The following ZSWIM5 variants were observed in gnomAD, a reference collection of about 807,000 sequenced individuals.
The protein encoded by ZSWIM5 is zinc finger SWIM domain-containing protein 5.
Under a neutral mutation model 119.6 loss-of-function variants are expected in ZSWIM5, and 55 were observed. The ratio of observed to expected loss-of-function variants is 0.46; its 90% CI spans 0.37 to 0.58. The LOEUF (loss-of-function observed/expected upper bound fraction) is 0.58. ZSWIM5 is among the 20% of genes least tolerant of loss of function. The probability of loss-of-function intolerance (pLI) is 0.00; values close to 1 mark genes in which losing one functional copy is unlikely to be tolerated. For missense variants in ZSWIM5, 1,193 were observed against 1,512.8 expected, an observed-to-expected ratio of 0.79 and a Z score of 3.51; for synonymous variants, 537 against 606.9, an observed-to-expected ratio of 0.88 and a Z score of 1.69.
At chr1:45,202,113 C>T (rs1646162079) in intron 1 of ZSWIM5, among the ~76,000 whole-genome samples, 1 of 151,998 alleles carries the variant, frequency 6.6e-6, no homozygotes, top group Admixed American at 6.6e-5. Context: ...AATGCAGCTG[C>T]CTTCTGTGAT....
intron 11 of ZSWIM5, among the ~76,000 whole-genome samples, chr1:45,029,167 A>G (rs1190082636): frequency 6.6e-6 from 1 of 152,234 alleles, no homozygotes; most frequent in Non-Finnish European, 1.5e-5. Context: ...GACCTCATTC[A>G]AGTTCCACCA....
chr1:45,054,249 C>T (rs7528468), intron 4 of ZSWIM5, among the ~76,000 whole-genome samples: 24,538 of 151,784 alleles, frequency 0.16, 2,651 homozygotes, highest in African/African-American at 0.3. Flanking sequence ...TGTATTCCAG[C>T]CTAGGGGACA....
chr1:45,055,001 A>AT (rs984777737), intron 4 of ZSWIM5, among the ~76,000 whole-genome samples: 2 of 151,058 alleles, frequency 1.3e-5, no homozygotes, highest in Non-Finnish European at 3.0e-5. Flanking sequence ...AATTTTTTGT[A>AT]TTTTTTTTAA....
intron 4 of ZSWIM5, among the ~76,000 whole-genome samples, chr1:45,054,641 T>C (rs1454083439): frequency 1.3e-5 from 2 of 149,462 alleles, no homozygotes; most frequent in Non-Finnish European, 3.0e-5. Context: ...GTAGCTACTA[T>C]GGAAATTAAA....
intron 1 of ZSWIM5, among the ~76,000 whole-genome samples, chr1:45,134,423 G>A (rs1645677326): frequency 6.6e-6 from 1 of 152,128 alleles, no homozygotes; most frequent in Non-Finnish European, 1.5e-5. Context: ...GGAAAAAGAT[G>A]AGTCCTTTAA....
At chr1:45,112,795 G>A (rs1645526231) in intron 1 of ZSWIM5, among the ~76,000 whole-genome samples, 1 of 152,178 alleles carries the variant, frequency 6.6e-6, no homozygotes, top group African/African-American at 2.4e-5. Context: ...ATCCAATGTG[G>A]ATCTCATTCC....
chr1:45,156,690 G>A (rs886960066), intron 1 of ZSWIM5, among the ~76,000 whole-genome samples: 2 of 148,938 alleles, frequency 1.3e-5, no homozygotes, highest in East Asian at 2.0e-4. Context: ...GAGTAGGAAC[G>A]TACTGCATAT....
At chr1:45,094,906 C>T (rs1008438223) in intron 1 of ZSWIM5, among the ~76,000 whole-genome samples, 1 of 151,844 alleles carries the variant, frequency 6.6e-6, no homozygotes, top group African/African-American at 2.4e-5. Flanking sequence ...TGTTGAGTCC[C>T]CATGTATGCA....
chr1:45,060,308 G>C (rs1006963913), intron 2 of ZSWIM5, 61 bp from the exon 3 acceptor site: 12 of 1,566,034 alleles, frequency 7.7e-6, no homozygotes, highest in Non-Finnish European at 8.7e-6. Flanking sequence ...CATTCAGCTG[G>C]AGGGGCACTT....
intron 1 of ZSWIM5, among the ~76,000 whole-genome samples, chr1:45,165,230 G>T (rs1645893609): frequency 6.6e-6 from 1 of 152,072 alleles, no homozygotes; most frequent in African/African-American, 2.4e-5. Flanking sequence ...GGTACATAAT[G>T]AAATGAAGGC....
intron 1 of ZSWIM5, among the ~76,000 whole-genome samples, chr1:45,151,746 C>T (rs1383043655): frequency 6.6e-6 from 1 of 152,110 alleles, no homozygotes; most frequent in East Asian, 1.9e-4. Context: ...GAAAAAGGAA[C>T]ATGTTTTCTG....
At chr1:45,083,856 C>T (rs879302783) in intron 2 of ZSWIM5, among the ~76,000 whole-genome samples, 6 of 152,204 alleles carry the variant, frequency 3.9e-5, no homozygotes, top group African/African-American at 9.6e-5. Context: ...ACATGTCTTA[C>T]ATGGCTGGTG....
In ZSWIM5 at chr1:45,018,466, C is replaced by T. The variant is rs751696789; in HGVS notation, c.3546G>A (p.Glu1182=). 2.5e-6 allele frequency: 4 copies of T among 1,613,712 alleles called. No individual in the cohort carries two copies. Among genetic ancestry groups the T allele is most frequent in the Non-Finnish European group, 3.4e-6 (4 of 1,179,784 alleles). The change falls in exon 14 of 14, where the codon GAG becomes GAA. Residue 1182 remains glutamate, a synonymous_variant. Transcript: ENST00000359600. This position sits in a 1 kb window ranked among gnomAD's most constrained non-coding sequence, Gnocchi z 6.7. ...GCTATCTGCTCTCTCAGCCAAAGCGCTCTCGCACCAGCAGCATCAACTTTT... is the reference window on the plus strand; with the variant it reads ...GCTATCTGCTCTCTCAGCCAAAGCGTTCTCGCACCAGCAGCATCAACTTTT... ...GKKKLMLLVR[E]RFG is the part of the protein sequence containing the mutation.
intron 1 of ZSWIM5, among the ~76,000 whole-genome samples, chr1:45,115,635 C>T (rs1262796652): frequency 3.4e-5 from 5 of 146,878 alleles, no homozygotes; most frequent in African/African-American, 1.0e-4. Flanking sequence ...CGGGAAGAGG[C>T]GCTCCTCACT....
At chr1:45,064,351 A>C (rs1393435298) in intron 2 of ZSWIM5, among the ~76,000 whole-genome samples, 1 of 152,144 alleles carries the variant, frequency 6.6e-6, no homozygotes, top group Non-Finnish European at 1.5e-5. Flanking sequence ...ACTAAATTGA[A>C]ATTTTTTAAA....
chr1:45,176,291 G>A lies in ZSWIM5; in HGVS notation c.595+29465C>T, dbSNP rs186666302. 3.3e-5 allele frequency among the ~76,000 whole-genome samples: 5 copies of A among 151,790 alleles called. No homozygotes were observed. In the East Asian group the frequency reaches 9.7e-4, roughly 29 times the overall value. On this transcript the variant is annotated intron_variant, in intron 1 of 13. Coordinates refer to ENST00000359600, the MANE Select transcript of ZSWIM5 (RefSeq NM_020883.2). ...TATCTTATTTTATTTTTCAGACGGA[G>A]TCTTGCTTGTTGCCCAGGCTGGAGT...
At chr1:45,175,480 C>T (rs903224151) in intron 1 of ZSWIM5, among the ~76,000 whole-genome samples, 1 of 151,956 alleles carries the variant, frequency 6.6e-6, no homozygotes, top group Non-Finnish European at 1.5e-5. Flanking sequence ...GACAGGGTTT[C>T]ATTCTGTCGC....
intron 2 of ZSWIM5, chr1:45,070,426 C>A: frequency 7.3e-7 from 1 of 1,365,488 alleles, no homozygotes. Flanking sequence ...TACAAAGTCT[C>A]CATGTTGGTG....
At chr1:45,054,828 A>G (rs1645111754) in intron 4 of ZSWIM5, among the ~76,000 whole-genome samples, 1 of 151,832 alleles carries the variant, frequency 6.6e-6, no homozygotes, top group South Asian at 2.1e-4. Context: ...TAACCCTTAA[A>G]TTTTCTTCTT....
Sources: gnomAD v4.1 joint callset for allele counts (sites outside exome capture counted in the v4.1 genomes callset) on GRCh38, gnomAD v4.1.1 for gene constraint, Gnocchi (gnomAD v3.1) non-coding constraint, MANE v1.5 for transcripts, NCBI Gene and HGNC (gene_info 2026-07-23, HGNC 2026-07-21) for gene names.